MYO9B: variants seen among roughly 807,000 people sequenced by gnomAD.
MYO9B encodes unconventional myosin-IXb.
Under a neutral mutation model 229.5 loss-of-function variants are expected in MYO9B, and 71 were observed. That is an observed-to-expected ratio of 0.31 (90% CI 0.26 to 0.38). The LOEUF (loss-of-function observed/expected upper bound fraction) is 0.38. Ranked by LOEUF, MYO9B falls within the 10% of genes least tolerant of loss-of-function variation. MYO9B has a pLI of 1.00. For synonymous variants in MYO9B, 1,185 were observed against 1,235.8 expected, an observed-to-expected ratio of 0.96 and a Z score of 0.86; for missense variants, 2,255 against 2,920.5, an observed-to-expected ratio of 0.77 and a Z score of 5.25.
intron 9 of MYO9B, 49 bp downstream of exon 9, chr19:17,162,515 C>T: frequency 6.9e-7 from 1 of 1,459,732 alleles, no homozygotes; most frequent in Non-Finnish European, 9.3e-7. Flanking sequence ...GAGGCCACAT[C>T]CTCACTACCA....
At chr19:17,112,732 G>T (rs114608614) in intron 2 of MYO9B, among the ~76,000 whole-genome samples, 124 of 152,334 alleles carry the variant, frequency 8.1e-4, no homozygotes, top group African/African-American at 2.9e-3. Flanking sequence ...AAAGAATCCC[G>T]CAGCCCCAGG....
intron 1 of MYO9B, among the ~76,000 whole-genome samples, chr19:17,090,035 T>A (rs1476034088): frequency 6.6e-6 from 1 of 151,786 alleles, no homozygotes; most frequent in Non-Finnish European, 1.5e-5. Context: ...ACACCCCATA[T>A]GGTCTTTCGT....
At chr19:17,117,044 A>G (rs888901165) in intron 2 of MYO9B, among the ~76,000 whole-genome samples, 1 of 152,176 alleles carries the variant, frequency 6.6e-6, no homozygotes, top group African/African-American at 2.4e-5. Flanking sequence ...TCTCCTTGGA[A>G]TTTGGAGAAA....
Position 17,200,389 on chromosome 19 carries a change from G to T in MYO9B, c.4335G>T (p.Val1445=). The change falls in exon 25 of 40, where the codon GTG becomes GTT. Residue 1445 remains valine (V), a synonymous_variant. Coordinates refer to ENST00000682292, the MANE Select transcript of MYO9B (RefSeq NM_004145.4). The stretch of plus-strand genomic sequence containing the variant: ...TGGAGAATGCAGTGTCCGGGCACGT[G>T]GTGCTGGAAGCCACCACCATGAAGA... The part of the protein sequence containing the change: ...EELENAVSGH[V]VLEATTMKKG... 6.3e-7 allele frequency: 1 copy of T among 1,597,068 alleles called. No individual in the cohort carries two copies. The highest frequency in any genetic ancestry group is 8.5e-7 in the Non-Finnish European group (1 of 1,171,382).
intron 23 of MYO9B, 154 bp from the exon 24 acceptor site, chr19:17,198,030 C>T: frequency 7.4e-7 from 1 of 1,351,600 alleles, no homozygotes; most frequent in Non-Finnish European, 9.9e-7. Flanking sequence ...CCACTGCACT[C>T]CAGCCTGGGC....
intron 30 of MYO9B, among the ~76,000 whole-genome samples, chr19:17,204,065 T>C (rs8108998): frequency 0.51 from 78,025 of 151,584 alleles, 21,414 homozygotes; most frequent in East Asian, 0.77. Flanking sequence ...CAGAACCATT[T>C]GGGCCAGGGT....
At chr19:17,164,904 A>C (rs529681775) in intron 10 of MYO9B, among the ~76,000 whole-genome samples, 2 of 152,196 alleles carry the variant, frequency 1.3e-5, no homozygotes, top group African/African-American at 4.8e-5. Flanking sequence ...GACTTAGCAC[A>C]TGAGAAAAAA....
At chr19:17,142,020 T>A (rs1280337934) in intron 2 of MYO9B, among the ~76,000 whole-genome samples, 1 of 151,846 alleles carries the variant, frequency 6.6e-6, no homozygotes, top group African/African-American at 2.4e-5. Context: ...CTACAAAAAA[T>A]TTTAAAAATT....
chr19:17,174,700 C>T (rs1164385239), intron 13 of MYO9B, among the ~76,000 whole-genome samples: 5 of 151,884 alleles, frequency 3.3e-5, no homozygotes, highest in African/African-American at 7.2e-5. Flanking sequence ...TTCGGGAGAC[C>T]GAGGTGGGTG....
intron 2 of MYO9B, among the ~76,000 whole-genome samples, chr19:17,133,986 C>T (rs1424262138): frequency 6.6e-6 from 1 of 152,100 alleles, no homozygotes; most frequent in Non-Finnish European, 1.5e-5. Flanking sequence ...TGATCTCGAT[C>T]TCCTGACCTC....
chr19:17,206,230 A>ACCCC lies in MYO9B; in HGVS notation c.5258-17_5258-14dup. On this transcript the variant is annotated splice_polypyrimidine_tract_variant and intron_variant, in intron 32 of 39. Coordinates refer to ENST00000682292, the MANE Select transcript of MYO9B (RefSeq NM_004145.4). ...TGCCAGTGCGCCGCTCACCAGACCCACCCCACCCACCCCACAGACCCCGCA... is the reference window on the plus strand; with the variant it reads ...TGCCAGTGCGCCGCTCACCAGACCCACCCCCCCCACCCACCCCACAGACCCCGCA... 4 of 407,802 alleles carry ACCCC rather than the reference A, an allele frequency of 9.8e-6. No homozygotes were observed. Among genetic ancestry groups the ACCCC allele is most frequent in the South Asian group, 3.1e-5 (1 of 32,266 alleles). The allele number at this position is 407,802 out of a possible 1,614,324, so 25.3% of individuals were successfully genotyped here. A position where few individuals can be genotyped will look rare whatever the true frequency, so the allele number is the denominator to read the frequency against.
rs866063418 is a variant in MYO9B at position 17,152,886 on chromosome 19, C to T, written c.998+180C>T. The T allele has an allele frequency of 1.0e-4, 60 of 596,376 alleles. 1 individual carries two copies. The South Asian group carries it at 1.2e-3, about 12-fold the overall frequency. The allele number at this position is 596,376 out of a possible 1,614,324, so 36.9% of individuals were successfully genotyped here. On this transcript the variant is annotated intron_variant, in intron 4 of 39. Transcript: ENST00000682292. ...CTCCCCAGACCTGCCCCTGTGGCCT[C>T]ACACTTTGTCCTCATACCTCCCAAG... is the stretch of plus-strand genomic sequence containing the variant.
At chr19:17,161,289 C>T (rs746551899) in intron 8 of MYO9B, among the ~76,000 whole-genome samples, 7 of 152,108 alleles carry the variant, frequency 4.6e-5, no homozygotes, top group Non-Finnish European at 7.4e-5. Flanking sequence ...CTTCAGCGGC[C>T]GTTCCAGAGG....
At chr19:17,156,769 GA>G in intron 6 of MYO9B, 139 bp from the exon 7 acceptor site, 1 of 918,938 alleles carries the variant, frequency 1.1e-6, no homozygotes, top group East Asian at 2.6e-5. Context: ...ATCCTCAACA[GA>G]GGCCTTAGAC....
chr19:17,114,139 C>T (rs148785193), intron 2 of MYO9B, among the ~76,000 whole-genome samples: 262 of 152,332 alleles, frequency 1.7e-3, no homozygotes, highest in African/African-American at 5.7e-3. Context: ...GCAGAACCAC[C>T]CCCCAGTTGA....
chr19:17,167,524 G>A (rs2072673560), intron 10 of MYO9B, among the ~76,000 whole-genome samples: 1 of 147,290 alleles, frequency 6.8e-6, no homozygotes, highest in East Asian at 2.0e-4. Flanking sequence ...TGCCCAGGCT[G>A]GAGTAGGACT....
intron 24 of MYO9B, among the ~76,000 whole-genome samples, chr19:17,198,734 CAAAAAAAAAAAA>C (rs59292415): frequency 4.9e-5 from 2 of 41,218 alleles, no homozygotes; most frequent in Non-Finnish European, 4.9e-5. Context: ...GACTCCGTCT[CAAAAAAAAAAAA>C]AAAAAAAAAA....
intron 1 of MYO9B, among the ~76,000 whole-genome samples, chr19:17,078,154 A>G (rs1033782176): frequency 6.6e-6 from 1 of 152,172 alleles, no homozygotes; most frequent in African/African-American, 2.4e-5. Flanking sequence ...TGTGCCAGAC[A>G]CTTGGTAGAT....
intron 2 of MYO9B, among the ~76,000 whole-genome samples, chr19:17,126,928 C>A (rs2072127338): frequency 1.7e-5 from 2 of 114,436 alleles, no homozygotes; most frequent in Admixed American, 1.9e-4. Flanking sequence ...CCCCCACCCC[C>A]CACCCCCGGC....
Sources: gnomAD v4.1 joint callset for allele counts (sites outside exome capture counted in the v4.1 genomes callset) on GRCh38, gnomAD v4.1.1 for gene constraint, MANE v1.5 for transcripts, NCBI Gene and HGNC (gene_info 2026-07-23, HGNC 2026-07-21) for gene names.